Variants in TRPC6 observed in about 807,000 individuals in gnomAD.
TRPC6 encodes the protein short transient receptor potential channel 6.
A neutral mutation model predicts 90.7 loss-of-function variants in TRPC6; 55 were observed. That is an observed-to-expected ratio of 0.61 (90% CI 0.49 to 0.76). The LOEUF (loss-of-function observed/expected upper bound fraction) is 0.76, where lower values mean the gene tolerates loss of function less well. Ranked by LOEUF, TRPC6 falls within the 30% of genes least tolerant of loss-of-function variation. TRPC6 has a pLI of 0.00. For synonymous variants in TRPC6, 393 were observed against 393.0 expected (o/e 1.00, Z 0.00); for missense variants, 989 against 1,122.7 (o/e 0.88, Z 1.70).
chr11:101,546,050 C>CCTTTTTTTT (rs1861295770), intron 1 of TRPC6, among the ~76,000 whole-genome samples: 1 of 29,694 alleles, frequency 3.4e-5, no homozygotes, highest in African/African-American at 1.3e-4. Context: ...ATTTATAACT[C>CCTTTTTTTT]TTTTTTTTTT....
At chr11:101,523,992 T>C (rs1860718792) in intron 1 of TRPC6, among the ~76,000 whole-genome samples, 1 of 152,210 alleles carries the variant, frequency 6.6e-6, no homozygotes, top group Non-Finnish European at 1.5e-5. Context: ...GCTGTTAATT[T>C]AGGAGGCATT....
chr11:101,534,588 A>T (rs1207073927), intron 1 of TRPC6, among the ~76,000 whole-genome samples: 1 of 152,218 alleles, frequency 6.6e-6, no homozygotes, highest in Non-Finnish European at 1.5e-5. Flanking sequence ...TTTATTAAAA[A>T]AAAAAACCCA....
chr11:101,530,623 G>A (rs1860889491), intron 1 of TRPC6, among the ~76,000 whole-genome samples: 1 of 152,072 alleles, frequency 6.6e-6, no homozygotes, highest in African/African-American at 2.4e-5. Context: ...CCCATTTTCT[G>A]CAGACCTTGA....
intron 1 of TRPC6, among the ~76,000 whole-genome samples, chr11:101,517,939 T>A (rs563186943): frequency 6.6e-6 from 1 of 152,232 alleles, no homozygotes; most frequent in Non-Finnish European, 1.5e-5. Flanking sequence ...TATTGTTCTC[T>A]AGATATTCCC....
Position 101,564,068 on chromosome 11 carries a change from A to G in TRPC6, c.170+19266T>C, listed in dbSNP as rs374935387. On this transcript the variant is annotated intron_variant, in intron 1 of 12. Transcript: ENST00000344327. ...ATCCAATGTGAGACATCAGTTCGTAAAGAAAAAAAAAAAAAGACTGACATC... is the reference window on the plus strand; with the variant it reads ...ATCCAATGTGAGACATCAGTTCGTAGAGAAAAAAAAAAAAAGACTGACATC... Among the ~76,000 whole-genome samples, 11 of 152,252 alleles carry G rather than the reference A, an allele frequency of 7.2e-5. No homozygotes were observed. In the East Asian group the frequency reaches 1.3e-3, roughly 19 times the overall value.
chr11:101,572,822 C>A (rs1396018598), intron 1 of TRPC6, among the ~76,000 whole-genome samples: 1 of 152,058 alleles, frequency 6.6e-6, no homozygotes, highest in East Asian at 1.9e-4. Context: ...AACATATGGA[C>A]ACAGGCAGGG....
At position 101,452,089 on chromosome 11, in the gene TRPC6, C is replaced by T. The variant is rs201454138; in HGVS notation, c.*866G>A. On this transcript the variant is annotated 3_prime_UTR_variant, in exon 13 of 13. Transcript: ENST00000344327. Reference sequence around the variant, plus strand: ...TCTGTAAATGCTCCCAGAAATGGCACAAAATTGTGCTATAATGGAACCAAA... The same window carrying T: ...TCTGTAAATGCTCCCAGAAATGGCATAAAATTGTGCTATAATGGAACCAAA... 3 of 152,138 alleles carry T rather than the reference C, an allele frequency of 2.0e-5. No individual in the cohort carries two copies. The highest frequency in any genetic ancestry group is 2.9e-5 in the Non-Finnish European group (2 of 68,030). 9.4% of individuals were successfully genotyped at this position (152,138 alleles called of 1,614,324 possible).
chr11:101,452,807 T>C lies in TRPC6; in HGVS notation c.*148A>G, dbSNP rs1179129669. 1.3e-5 allele frequency: 11 copies of C among 858,354 alleles called. No homozygotes were observed. In the East Asian group the frequency reaches 2.5e-4, roughly 20 times the overall value. 53.2% of individuals were successfully genotyped at this position (858,354 alleles called of 1,614,324 possible). On this transcript the variant is annotated 3_prime_UTR_variant, in exon 13 of 13. Transcript: ENST00000344327. ...GAGTTTAATCACCAAAAAAATTAGA[T>C]ACTAGGGCTCCAGATGATAGGATGG...
intron 1 of TRPC6, among the ~76,000 whole-genome samples, chr11:101,533,053 A>G (rs1207395674): frequency 5.9e-5 from 9 of 152,236 alleles, no homozygotes; most frequent in Admixed American, 5.9e-4. Flanking sequence ...GGGTGGAGGA[A>G]GCACTTAGAA....
In TRPC6 at chr11:101,495,630, T is replaced by C. The variant is rs990266720; in HGVS notation, c.946-3892A>G. Among the ~76,000 whole-genome samples the C allele has an allele frequency of 5.0e-4, 70 of 139,808 alleles. 1 individual carries two copies. The East Asian group carries it at 6.8e-3, about 13-fold the overall frequency. 91.7% of individuals were successfully genotyped at this position (139,808 alleles called of 152,430 possible). A position where few individuals can be genotyped will look rare whatever the true frequency, so the allele number is the denominator to read the frequency against. On this transcript the variant is annotated intron_variant, in intron 2 of 12. Coordinates refer to ENST00000344327, the MANE Select transcript of TRPC6 (RefSeq NM_004621.6). ...TTATTATTATTATTATTATTATTATTATTATCATTGTTTTCATTATTTCAC... is the reference window on the plus strand; with the variant it reads ...TTATTATTATTATTATTATTATTATCATTATCATTGTTTTCATTATTTCAC...
chr11:101,496,337 C>G (rs1342746097), intron 2 of TRPC6, among the ~76,000 whole-genome samples: 1 of 152,052 alleles, frequency 6.6e-6, no homozygotes, highest in Non-Finnish European at 1.5e-5. Flanking sequence ...TTCTTGGGAC[C>G]AAGTGTAACT....
In TRPC6 at chr11:101,546,120, G is replaced by A. The variant is rs1374315774; in HGVS notation, c.170+37214C>T. Among the ~76,000 whole-genome samples, 6 of 55,474 alleles carry A rather than the reference G, an allele frequency of 1.1e-4. 1 individual carries two copies. Among genetic ancestry groups the A allele is most frequent in the African/African-American group, 3.9e-4 (5 of 12,748 alleles). 36.4% of individuals were successfully genotyped at this position (55,474 alleles called of 152,430 possible). A position where few individuals can be genotyped will look rare whatever the true frequency, so the allele number is the denominator to read the frequency against. ...CGCTCTGTCGCCCAGGCCGGACTGC[G>A]GACTGCAGTGGCGCAATCTCGGCTC... On this transcript the variant is annotated intron_variant, in intron 1 of 12. Transcript: ENST00000344327.
intron 1 of TRPC6, among the ~76,000 whole-genome samples, chr11:101,554,309 A>G (rs1309893377): frequency 6.6e-6 from 1 of 152,160 alleles, no homozygotes; most frequent in Non-Finnish European, 1.5e-5. Context: ...TGGAACAACA[A>G]AAGAAAGTTT....
In TRPC6 at chr11:101,546,050, C is replaced by CTTTTTTTTTTTTTTTTTT. The variant is rs1166182552; in HGVS notation, c.170+37266_170+37283dup. Among the ~76,000 whole-genome samples the CTTTTTTTTTTTTTTTTTT allele has an allele frequency of 1.3e-4, 4 of 29,694 alleles. 1 individual carries two copies. Among genetic ancestry groups the CTTTTTTTTTTTTTTTTTT allele is most frequent in the African/African-American group, 1.3e-4 (1 of 7,706 alleles). The allele number at this position is 29,694 out of a possible 152,430, so 19.5% of individuals were successfully genotyped here. On this transcript the variant is annotated intron_variant, in intron 1 of 12. Transcript: ENST00000344327. ...TGGATCTAGTATCACATTTATAACT[C>CTTTTTTTTTTTTTTTTTT]TTTTTTTTTTTTTTTTTTTTTTTTT... is the stretch of plus-strand genomic sequence containing the variant.
chr11:101,564,346 T>C (rs919498287), intron 1 of TRPC6, among the ~76,000 whole-genome samples: 19 of 152,214 alleles, frequency 1.2e-4, no homozygotes, highest in African/African-American at 4.6e-4. Context: ...TAAACTCTCT[T>C]ACTGTATCTA....
chr11:101,531,625 G>A (rs777142438), intron 1 of TRPC6, among the ~76,000 whole-genome samples: 9 of 152,180 alleles, frequency 5.9e-5, no homozygotes, highest in Non-Finnish European at 7.4e-5. Flanking sequence ...TGAATAGGAT[G>A]AATGAAGCAG....
intron 1 of TRPC6, among the ~76,000 whole-genome samples, chr11:101,574,868 C>T (rs545285788): frequency 1.6e-4 from 25 of 152,206 alleles, no homozygotes; most frequent in African/African-American, 5.8e-4. Flanking sequence ...ATTTTATTAG[C>T]GATTCCCATG....
At chr11:101,568,749 T>C (rs1351672871) in intron 1 of TRPC6, among the ~76,000 whole-genome samples, 2 of 152,166 alleles carry the variant, frequency 1.3e-5, no homozygotes, top group Non-Finnish European at 2.9e-5. Context: ...CAGAATTTCA[T>C]ATCCAGCCAA....
chr11:101,499,532 G>T, intron 2 of TRPC6, among the ~76,000 whole-genome samples: 1 of 147,230 alleles, frequency 6.8e-6, no homozygotes, highest in South Asian at 2.1e-4. Context: ...CATACTGGCT[G>T]CCATACCAAC....
Sources: allele counts gnomAD v4.1 joint callset (sites outside exome capture counted in the v4.1 genomes callset), GRCh38; gene constraint gnomAD v4.1.1; transcripts MANE v1.5; gene names NCBI Gene and HGNC (gene_info 2026-07-23, HGNC 2026-07-21).